HDAC9: variants seen among roughly 807,000 people sequenced by gnomAD.
HDAC9 encodes the protein MEF-2 interacting transcription repressor (MITR) protein.
Under a neutral mutation model 139.4 loss-of-function variants are expected in HDAC9, and 41 were observed. That is an observed-to-expected ratio of 0.29 (90% CI 0.23 to 0.38). The LOEUF (loss-of-function observed/expected upper bound fraction) is 0.38, where lower values mean the gene tolerates loss of function less well. HDAC9 is among the 10% of genes least tolerant of loss of function. HDAC9 has a pLI of 1.00. For missense variants in HDAC9, 1,147 were observed against 1,297.0 expected (o/e 0.88, Z 1.78); for synonymous variants, 517 against 476.2 (o/e 1.09, Z -1.12).
At chr7:18,415,272 A>G (rs985051949) in intron 1 of HDAC9, among the ~76,000 whole-genome samples, 5 of 152,332 alleles carry the variant, frequency 3.3e-5, no homozygotes, top group African/African-American at 4.8e-5. Context: ...ACTAGAACCC[A>G]TGGGGCTGAT....
chr7:18,989,518 G>C (rs1334066604), intron 25 of HDAC9, among the ~76,000 whole-genome samples: 1 of 149,658 alleles, frequency 6.7e-6, no homozygotes, highest in Non-Finnish European at 1.5e-5. Context: ...TGGTGAATCT[G>C]ACAATTATGT....
chr7:18,971,632 TCTC>T (rs1240644864), intron 24 of HDAC9, among the ~76,000 whole-genome samples: 4 of 152,210 alleles, frequency 2.6e-5, no homozygotes, highest in Admixed American at 6.5e-5. Context: ...TTTCAATTAT[TCTC>T]CTCTATGAAT....
chr7:18,524,060 G>A (rs1051162095), intron 2 of HDAC9, among the ~76,000 whole-genome samples: 46 of 152,172 alleles, frequency 3.0e-4, no homozygotes, highest in African/African-American at 9.4e-4. Flanking sequence ...AAAACATAGA[G>A]GGGAAAGAAG....
At chr7:18,254,486 A>G (rs764474335) in intron 2 of HDAC9, among the ~76,000 whole-genome samples, 10 of 152,236 alleles carry the variant, frequency 6.6e-5, no homozygotes, top group Non-Finnish European at 1.3e-4. Flanking sequence ...TAGTTGCATT[A>G]AGGAAAAATT....
In HDAC9 at chr7:19,000,987, C is replaced by T. The variant is rs1786720787; in HGVS notation, c.*4925C>T. 1 of 152,080 alleles carries T rather than the reference C, an allele frequency of 6.6e-6. No homozygotes were observed. Among genetic ancestry groups the T allele is most frequent in the African/African-American group, 2.4e-5 (1 of 41,440 alleles). 9.4% of individuals were successfully genotyped at this position (152,080 alleles called of 1,614,324 possible). ...TTTTGTTTTTTATCTCTTCTCTTTT[C>T]AAGAGTCACTTGACTTTTTCAAATA... On this transcript the variant is annotated 3_prime_UTR_variant, in exon 26 of 26. Coordinates refer to ENST00000686413, the MANE Select transcript of HDAC9 (RefSeq NM_178425.4).
At chr7:18,098,567 A>C (rs1356220566) in intron 1 of HDAC9, among the ~76,000 whole-genome samples, 1 of 152,188 alleles carries the variant, frequency 6.6e-6, no homozygotes. Flanking sequence ...TTGAGTGTGC[A>C]TCAGCATTTC....
chr7:18,457,802 C>G lies in HDAC9; in HGVS notation c.-41-38460C>G, dbSNP rs184248665. On this transcript the variant is annotated intron_variant, in intron 1 of 3. Transcript: ENST00000413509. Reference sequence around the variant, plus strand: ...CATGGTGTTTGAAATCACCTATTTTCAGGTGATAAGACTTTCTAAATTGAT... The same window carrying G: ...CATGGTGTTTGAAATCACCTATTTTGAGGTGATAAGACTTTCTAAATTGAT... Among the ~76,000 whole-genome samples the G allele has an allele frequency of 2.0e-3, 302 of 150,798 alleles. 1 individual carries two copies. The highest frequency in any genetic ancestry group is 6.0e-3 in the African/African-American group (249 of 41,462).
chr7:18,282,981 A>G (rs369889320), intron 2 of HDAC9, among the ~76,000 whole-genome samples: 2 of 114,668 alleles, frequency 1.7e-5, no homozygotes, highest in Non-Finnish European at 3.9e-5. Flanking sequence ...TGAAATTTCT[A>G]TCTCAATTTT....
chr7:18,579,472 A>G (rs1305402111), intron 2 of HDAC9, among the ~76,000 whole-genome samples: 1 of 152,218 alleles, frequency 6.6e-6, no homozygotes, highest in Non-Finnish European at 1.5e-5. Context: ...CCAAACTCTC[A>G]CAGGTTTCCA....
intron 2 of HDAC9, among the ~76,000 whole-genome samples, chr7:18,497,268 G>C (rs1370071695): frequency 6.6e-6 from 1 of 152,076 alleles, no homozygotes; most frequent in East Asian, 1.9e-4. Flanking sequence ...CTTCCCATGT[G>C]GGCTTAATCG....
intron 12 of HDAC9, chr7:18,668,072 T>C (rs1795320357): frequency 1.0e-6 from 1 of 972,078 alleles, no homozygotes; most frequent in Non-Finnish European, 1.2e-6. Context: ...CTGTATGTTA[T>C]TGGCACGTGT....
At chr7:18,515,370 T>C (rs1374149699) in intron 2 of HDAC9, among the ~76,000 whole-genome samples, 1 of 152,222 alleles carries the variant, frequency 6.6e-6, no homozygotes, top group Non-Finnish European at 1.5e-5. Flanking sequence ...TTCAGTATTC[T>C]GAGAATGAAA....
chr7:18,889,561 G>T (rs1256866002), intron 22 of HDAC9, among the ~76,000 whole-genome samples: 1 of 152,024 alleles, frequency 6.6e-6, no homozygotes, highest in Admixed American at 6.5e-5. Flanking sequence ...CATCCATGTT[G>T]TATTGTGCTT....
At chr7:18,593,464 G>T (rs1831559654) in intron 5 of HDAC9, among the ~76,000 whole-genome samples, 1 of 152,162 alleles carries the variant, frequency 6.6e-6, no homozygotes, top group South Asian at 2.1e-4. Context: ...AGTAAAAAAG[G>T]CTACTCTCAT....
intron 23 of HDAC9, among the ~76,000 whole-genome samples, chr7:18,953,854 A>C (rs1313814406): frequency 6.6e-6 from 1 of 152,118 alleles, no homozygotes; most frequent in Non-Finnish European, 1.5e-5. Flanking sequence ...ACCTACAAAA[A>C]TTACACAAAT....
intron 1 of HDAC9, among the ~76,000 whole-genome samples, chr7:18,145,555 G>C (rs1786250614): frequency 6.6e-6 from 1 of 152,070 alleles, no homozygotes; most frequent in Non-Finnish European, 1.5e-5. Context: ...TTTAAGATTG[G>C]AAAGAAACAT....
At chr7:18,115,626 C>A (rs534436552) in intron 1 of HDAC9, among the ~76,000 whole-genome samples, 1 of 152,290 alleles carries the variant, frequency 6.6e-6, no homozygotes, top group Admixed American at 6.5e-5. Context: ...ATGTTCAAAT[C>A]GGTTATTTGA....
intron 2 of HDAC9, among the ~76,000 whole-genome samples, chr7:18,580,117 C>T (rs991736016): frequency 3.9e-5 from 6 of 152,258 alleles, no homozygotes; most frequent in South Asian, 2.1e-4. Flanking sequence ...AACTCTTTAA[C>T]GACCCTTGAA....
At chr7:18,676,857 G>A (rs975647172) in intron 12 of HDAC9, among the ~76,000 whole-genome samples, 2 of 151,710 alleles carry the variant, frequency 1.3e-5, no homozygotes, top group African/African-American at 2.4e-5. Flanking sequence ...CTCTCTTAGG[G>A]ATTAAAAAAA....
Sources: allele counts gnomAD v4.1 joint callset (sites outside exome capture counted in the v4.1 genomes callset), GRCh38; gene constraint gnomAD v4.1.1; transcripts MANE v1.5; gene names NCBI Gene and HGNC (gene_info 2026-07-23, HGNC 2026-07-21).